MAST4: variants seen among roughly 807,000 people sequenced by gnomAD.
The protein encoded by MAST4 is microtubule associated serine/threonine kinase family member 4.
MAST4 carries 89 observed loss-of-function variants against 162.7 expected under a neutral mutation model. The observed-to-expected ratio is 0.55, with a 90% CI of 0.46 to 0.65. The LOEUF is 0.65. Among genes scored for constraint, MAST4 ranks in the 30% least tolerant of loss-of-function variants. MAST4 has a pLI of 0.00. For synonymous variants in MAST4, 1,479 were observed against 1,361.1 expected (o/e 1.09, Z -1.91); for missense variants, 3,153 against 3,374.0 (o/e 0.93, Z 1.62).
chr5:67,042,501 G>A (rs1756875862), intron 4 of MAST4, among the ~76,000 whole-genome samples: 1 of 151,864 alleles, frequency 6.6e-6, no homozygotes, highest in Admixed American at 6.6e-5. Context: ...GTTAATTAAG[G>A]GAAAACATTC....
chr5:66,962,037 C>T (rs932299648), intron 4 of MAST4, among the ~76,000 whole-genome samples: 1 of 152,164 alleles, frequency 6.6e-6, no homozygotes, highest in African/African-American at 2.4e-5. Context: ...TAGTTTAAGA[C>T]AAATACAGCC....
Position 67,165,331 on chromosome 5 carries a change from C to T in MAST4, c.6152C>T (p.Ala2051Val), listed in dbSNP as rs776957434. The T allele has an allele frequency of 1.9e-6, 3 of 1,613,638 alleles. No homozygotes were observed. The highest frequency in any genetic ancestry group is 2.5e-6 in the Non-Finnish European group (3 of 1,179,876). Residue 2051 changes from alanine (A) to valine (V), a missense_variant, in exon 29 of 29, where the codon GCG becomes GTG. Ala to Val is a moderately conservative substitution (Grantham distance 64). Transcript: ENST00000403625. ...KTNHKDGPGEARPPPRDNSSL... is the reference protein window; with the variant it reads ...KTNHKDGPGEVRPPPRDNSSL... ...AACCACAAAGATGGCCCAGGTGAGG[C>T]GAGGCCCCCGCCCAGAGACAACTCC...
At chr5:66,735,785 T>C (rs1042874962) in intron 1 of MAST4, among the ~76,000 whole-genome samples, 1 of 152,230 alleles carries the variant, frequency 6.6e-6, no homozygotes, top group Non-Finnish European at 1.5e-5. Flanking sequence ...TTTATCACTG[T>C]ACCCTCACCC....
chr5:66,869,877 A>ATT (rs1760800314), intron 3 of MAST4, among the ~76,000 whole-genome samples: 1 of 152,028 alleles, frequency 6.6e-6, no homozygotes, highest in Non-Finnish European at 1.5e-5. Flanking sequence ...GGTTGCTTTC[A>ATT]TCAACCTTTC....
intron 4 of MAST4, among the ~76,000 whole-genome samples, chr5:67,023,197 T>A (rs1210550001): frequency 6.6e-6 from 1 of 152,172 alleles, no homozygotes; most frequent in African/African-American, 2.4e-5. Flanking sequence ...ACATATTCCA[T>A]TGTATATATG....
chr5:66,820,190 G>C (rs766560145), intron 3 of MAST4, among the ~76,000 whole-genome samples: 2 of 151,726 alleles, frequency 1.3e-5, no homozygotes, highest in Non-Finnish European at 2.9e-5. Flanking sequence ...AGCTATACTT[G>C]GAATATAGAG....
chr5:66,781,401 C>T (rs935272259), intron 2 of MAST4, among the ~76,000 whole-genome samples: 5 of 152,212 alleles, frequency 3.3e-5, no homozygotes, highest in Admixed American at 6.5e-5. Flanking sequence ...AGATATAGGA[C>T]AAGAGAACAA....
intron 3 of MAST4, among the ~76,000 whole-genome samples, chr5:66,897,788 G>T (rs942379507): frequency 5.3e-5 from 8 of 152,174 alleles, no homozygotes; most frequent in African/African-American, 1.9e-4. Context: ...TCCTTGTTTA[G>T]AACTCATAAT....
chr5:66,736,691 C>A (rs1335244784), intron 1 of MAST4, among the ~76,000 whole-genome samples: 1 of 152,148 alleles, frequency 6.6e-6, no homozygotes, highest in African/African-American at 2.4e-5. Flanking sequence ...GTGGTCTATT[C>A]TTTTCTTTGC....
rs1165892083 is a variant in MAST4, at chr5:67,078,895, T to A, written c.764-11267T>A. On this transcript the variant is annotated intron_variant, in intron 5 of 28. Coordinates refer to ENST00000403625, the MANE Select transcript of MAST4 (RefSeq NM_001164664.2). ...ATTTATATAAATATATTTATATATTTATATATTTTTATATAAATATATATA... is the reference window on the plus strand; with the variant it reads ...ATTTATATAAATATATTTATATATTAATATATTTTTATATAAATATATATA... Among the ~76,000 whole-genome samples the A allele has an allele frequency of 1.8e-4, 13 of 73,314 alleles. No individual in the cohort carries two copies. In the South Asian group the frequency reaches 2.3e-3, roughly 13 times the overall value. 48.1% of individuals were successfully genotyped at this position (73,314 alleles called of 152,430 possible).
At chr5:66,790,093 A>AGG (rs1755327091) in intron 3 of MAST4, among the ~76,000 whole-genome samples, 1 of 135,320 alleles carries the variant, frequency 7.4e-6, no homozygotes, top group Non-Finnish European at 1.5e-5. Flanking sequence ...CATGGGTGGT[A>AGG]GGGTTGTATG....
intron 4 of MAST4, among the ~76,000 whole-genome samples, chr5:67,049,020 T>TACGTGTATATATATATAC (rs1561576133): frequency 1.9e-5 from 2 of 102,924 alleles, no homozygotes; most frequent in African/African-American, 4.1e-5. Context: ...TATATATATA[T>TACGTGTATATATATATAC]ACGTATATAT....
chr5:66,673,515 TG>T (rs1747743268), intron 1 of MAST4, among the ~76,000 whole-genome samples: 1 of 137,592 alleles, frequency 7.3e-6, no homozygotes, highest in Non-Finnish European at 1.5e-5. Context: ...TAGTTTTTTT[TG>T]TTTTTTGTTT....
rs1403270444 is a variant in MAST4, at chr5:67,166,694, T to C, written c.7515T>C (p.Ala2505=). ...PAPSNRDHRK[A]QPAGEGRTHM... is the part of the protein sequence containing the mutation. ...CCAGCAACAGGGACCATAGGAAGGC[T>C]CAGCCTGCCGGGGAGGGCCGAACCC... Residue 2505 remains alanine (A), a synonymous_variant, in exon 29 of 29, where the codon GCT becomes GCC. Coordinates refer to ENST00000403625, the MANE Select transcript of MAST4 (RefSeq NM_001164664.2). 1 of 1,591,816 alleles carries C rather than the reference T, an allele frequency of 6.3e-7. No homozygotes were observed. The highest frequency in any genetic ancestry group is 1.8e-5 in the Admixed American group (1 of 56,652).
At chr5:66,777,117 ACT>A (rs1346615529) in intron 2 of MAST4, among the ~76,000 whole-genome samples, 2 of 152,074 alleles carry the variant, frequency 1.3e-5, no homozygotes, top group Non-Finnish European at 2.9e-5. Flanking sequence ...TTTATCCGGG[ACT>A]CTCTAGCTAA....
chr5:67,131,145 A>G (rs1181503295), intron 15 of MAST4, among the ~76,000 whole-genome samples: 3 of 152,160 alleles, frequency 2.0e-5, no homozygotes, highest in Middle Eastern at 3.2e-3. Context: ...AGTCCAAGAA[A>G]GGAAGACTTA....
At chr5:67,089,649 C>T (rs1321572623) in intron 5 of MAST4, among the ~76,000 whole-genome samples, 1 of 152,222 alleles carries the variant, frequency 6.6e-6, no homozygotes, top group African/African-American at 2.4e-5. Context: ...AGTTCTGACA[C>T]ATCCACCTTT....
At chr5:66,647,324 A>G (rs986205691) in intron 1 of MAST4, among the ~76,000 whole-genome samples, 1 of 152,084 alleles carries the variant, frequency 6.6e-6, no homozygotes, top group African/African-American at 2.4e-5. Flanking sequence ...CTGGCCTCTG[A>G]TTCACCTCTC....
At chr5:66,618,471 G>A (rs1362829806) in intron 1 of MAST4, among the ~76,000 whole-genome samples, 1 of 152,110 alleles carries the variant, frequency 6.6e-6, no homozygotes, top group Non-Finnish European at 1.5e-5. Flanking sequence ...GACTATTTTT[G>A]TAACATGTAG....
Sources: allele counts gnomAD v4.1 joint callset (sites outside exome capture counted in the v4.1 genomes callset), GRCh38; gene constraint gnomAD v4.1.1; transcripts MANE v1.5; gene names NCBI Gene and HGNC (gene_info 2026-07-23, HGNC 2026-07-21).